ARIH2: variants seen among roughly 807,000 people sequenced by gnomAD.
ARIH2 encodes ariadne RBR E3 ubiquitin protein ligase 2.
ARIH2 carries 12 observed loss-of-function variants against 79.8 expected under a neutral mutation model. The observed-to-expected ratio is 0.15, with a 90% confidence interval of 0.10 to 0.24. The LOEUF (loss-of-function observed/expected upper bound fraction) is 0.24. ARIH2 is among the 10% of genes least tolerant of loss of function. The probability of loss-of-function intolerance (pLI) is 1.00; values close to 1 mark genes in which losing one functional copy is unlikely to be tolerated. For missense variants in ARIH2, 301 were observed against 618.3 expected, an observed-to-expected ratio of 0.49 and a Z score of 5.44; for synonymous variants, 224 against 213.9, an observed-to-expected ratio of 1.05 and a Z score of -0.41.
At chr3:48,931,136 G>T (rs1348697333) in intron 3 of ARIH2, among the ~76,000 whole-genome samples, 1 of 152,070 alleles carries the variant, frequency 6.6e-6, no homozygotes, top group Non-Finnish European at 1.5e-5. Flanking sequence ...CTCACAACTG[G>T]AGTGCAGTAG....
rs374623503 is a variant in ARIH2, at chr3:48,926,393, A to G, written c.-97-1069A>G. Among the ~76,000 whole-genome samples, 453 of 151,436 alleles carry G rather than the reference A, an allele frequency of 3.0e-3. 4 individuals carry two copies. The highest frequency in any genetic ancestry group is 0.01 in the African/African-American group (413 of 41,238). On this transcript the variant is annotated intron_variant, in intron 2 of 15. Coordinates refer to ENST00000356401, the MANE Select transcript of ARIH2 (RefSeq NM_006321.4). ...AGCGTTTCTCCTGTCTTAGCCTCCC[A>G]AGTAGCTGGGATTACAGGTGCCTGT...
chr3:48,978,824 G>C (rs993012906), intron 11 of ARIH2, among the ~76,000 whole-genome samples: 1 of 151,790 alleles, frequency 6.6e-6, no homozygotes, highest in East Asian at 1.9e-4. Flanking sequence ...TAGCCAGCAT[G>C]TTGGCAGGCA....
At chr3:48,965,963 G>GAA (rs35811931) in intron 5 of ARIH2, among the ~76,000 whole-genome samples, 20 of 150,102 alleles carry the variant, frequency 1.3e-4, no homozygotes, top group South Asian at 2.1e-4. Flanking sequence ...TCCATCAGAA[G>GAA]AAAAAAAAAA....
intron 3 of ARIH2, among the ~76,000 whole-genome samples, chr3:48,946,132 C>T (rs1303974137): frequency 6.6e-6 from 1 of 152,094 alleles, no homozygotes; most frequent in Non-Finnish European, 1.5e-5. Flanking sequence ...CTAAAGCATT[C>T]ATATTCACTT....
chr3:48,979,305 G>A (rs1395599161), intron 11 of ARIH2, among the ~76,000 whole-genome samples, 177 bp from the exon 12 acceptor site: 1 of 152,224 alleles, frequency 6.6e-6, no homozygotes, highest in African/African-American at 2.4e-5. Flanking sequence ...AGGCTACAAG[G>A]ACAGTAGGAT....
intron 3 of ARIH2, among the ~76,000 whole-genome samples, chr3:48,933,524 G>C (rs1661138268): frequency 6.7e-6 from 1 of 148,912 alleles, no homozygotes. Context: ...GTGTGGCATA[G>C]TGAAGTATAT....
At chr3:48,965,963 GA>G (rs35811931) in intron 5 of ARIH2, among the ~76,000 whole-genome samples, 2 of 150,032 alleles carry the variant, frequency 1.3e-5, no homozygotes, top group Non-Finnish European at 1.5e-5. Flanking sequence ...TCCATCAGAA[GA>G]AAAAAAAAAT....
At chr3:48,965,346 C>T (rs1262629392) in intron 5 of ARIH2, among the ~76,000 whole-genome samples, 3 of 151,434 alleles carry the variant, frequency 2.0e-5, no homozygotes, top group Non-Finnish European at 2.9e-5. Context: ...GGCGACAGAG[C>T]GAGACTCTGT....
chr3:48,934,263 C>A (rs760763306), intron 3 of ARIH2: 29 of 574,528 alleles, frequency 5.0e-5, no homozygotes, highest in Non-Finnish European at 5.9e-5. Context: ...TAGCCATTTT[C>A]TTAATTGGTA....
intron 3 of ARIH2, among the ~76,000 whole-genome samples, chr3:48,955,643 G>A (rs2090487242): frequency 6.6e-6 from 1 of 152,194 alleles, no homozygotes; most frequent in South Asian, 2.1e-4. Context: ...AAGACTAATG[G>A]TGTGAATACT....
In ARIH2 at chr3:48,983,477, T is replaced by C; in HGVS notation, c.*207T>C. Reference sequence around the variant, plus strand: ...TACCAGGGTAGAGGCCATGTTGAACTGGCCTCTTTTCAGGACTTTTATTTC... The same window carrying C: ...TACCAGGGTAGAGGCCATGTTGAACCGGCCTCTTTTCAGGACTTTTATTTC... On this transcript the variant is annotated 3_prime_UTR_variant, in exon 16 of 16. Transcript: ENST00000356401. 1.7e-6 allele frequency: 1 copy of C among 590,368 alleles called. No homozygotes were observed. The highest frequency in any genetic ancestry group is 3.0e-6 in the Non-Finnish European group (1 of 333,510). The allele number at this position is 590,368 out of a possible 1,614,324, so 36.6% of individuals were successfully genotyped here.
intron 9 of ARIH2, 124 bp from the exon 10 acceptor site, chr3:48,974,693 G>A (rs2107645882): frequency 1.1e-6 from 1 of 920,448 alleles, no homozygotes; most frequent in Non-Finnish European, 1.8e-6. Flanking sequence ...TTTAAGTGAG[G>A]TGCTCCTCCC....
chr3:48,972,151 A>G (rs571986166), intron 8 of ARIH2, among the ~76,000 whole-genome samples: 1 of 152,282 alleles, frequency 6.6e-6, no homozygotes, highest in South Asian at 2.1e-4. Flanking sequence ...GCACCTCACC[A>G]TGCCCTTTGA....
At chr3:48,938,388 A>G (rs1329356461) in intron 3 of ARIH2, among the ~76,000 whole-genome samples, 3 of 152,194 alleles carry the variant, frequency 2.0e-5, no homozygotes, top group African/African-American at 7.2e-5. Context: ...AAACAGTGGC[A>G]TACCCATAGA....
chr3:48,963,399 G>C (rs1156852183), intron 4 of ARIH2, among the ~76,000 whole-genome samples: 2 of 152,110 alleles, frequency 1.3e-5, no homozygotes, highest in African/African-American at 4.8e-5. Context: ...AATAAAACGG[G>C]CCCCTCAATA....
At chr3:48,930,282 A>G (rs1576152729) in intron 3 of ARIH2, among the ~76,000 whole-genome samples, 3 of 152,304 alleles carry the variant, frequency 2.0e-5, no homozygotes, top group South Asian at 4.1e-4. Flanking sequence ...GATACAAGCT[A>G]GCATTGTTTT....
intron 3 of ARIH2, among the ~76,000 whole-genome samples, chr3:48,928,257 A>G (rs1051162158): frequency 1.3e-5 from 2 of 152,176 alleles, no homozygotes; most frequent in Admixed American, 1.3e-4. Flanking sequence ...CCTTTGGGCT[A>G]ATGAGCTCAT....
At chr3:48,937,687 A>G (rs1010180608) in intron 3 of ARIH2, among the ~76,000 whole-genome samples, 4 of 152,126 alleles carry the variant, frequency 2.6e-5, no homozygotes, top group African/African-American at 9.7e-5. Context: ...GTGTGCTTCA[A>G]TTTGTAAACA....
intron 3 of ARIH2, chr3:48,948,978 C>A: frequency 2.4e-6 from 1 of 417,190 alleles, no homozygotes; most frequent in Non-Finnish European, 4.9e-6. Context: ...TGGGTTGTTT[C>A]TAATTTTGGG....
Sources: gnomAD v4.1 joint callset for allele counts (sites outside exome capture counted in the v4.1 genomes callset) on GRCh38, gnomAD v4.1.1 for gene constraint, MANE v1.5 for transcripts, NCBI Gene and HGNC (gene_info 2026-07-23, HGNC 2026-07-21) for gene names.